Variants in KIDINS220 observed in about 807,000 individuals in gnomAD.
KIDINS220 encodes kinase D interacting substrate 220, also known as kinase D-interacting substrate of 220 kDa.
Under a neutral mutation model 157.6 loss-of-function variants are expected in KIDINS220, and 63 were observed. The ratio of observed to expected loss-of-function variants is 0.40; its 90% CI spans 0.33 to 0.49. The LOEUF (loss-of-function observed/expected upper bound fraction) is 0.49, where lower values mean the gene tolerates loss of function less well. Ranked by LOEUF, KIDINS220 falls within the 20% of genes least tolerant of loss-of-function variation. The pLI, the probability that KIDINS220 is intolerant of heterozygous loss-of-function variation, is 0.66. For missense variants in KIDINS220, 1,772 were observed against 2,171.2 expected (o/e 0.82, Z 3.65); for synonymous variants, 732 against 783.6 (o/e 0.93, Z 1.10).
Position 8,779,787 on chromosome 2 carries a change from C to T in KIDINS220, c.2257G>A (p.Ala753Thr), listed in dbSNP as rs1232553861. 6.2e-7 allele frequency: 1 copy of T among 1,614,092 alleles called. No individual in the cohort carries two copies. The highest frequency in any genetic ancestry group is 1.3e-5 in the African/African-American group (1 of 75,040). Reference sequence around the variant, plus strand: ...CTGTCAATGGTTTTTGCCATCCTGGCCATCAATTCCACTTCACATTTAAGA... The same window carrying T: ...CTGTCAATGGTTTTTGCCATCCTGGTCATCAATTCCACTTCACATTTAAGA... ...KVLKCEVELMARMAKTIDSFT... is the reference protein window; with the variant it reads ...KVLKCEVELMTRMAKTIDSFT... The change falls in exon 18 of 30, where the codon GCC (alanine) becomes ACC (threonine). Residue 753 changes from alanine (A) to threonine (T), a missense_variant. Around this residue, in one of 3 missense-constraint regions of KIDINS220, gnomAD observed 725 missense variants for 1,017.1 expected, o/e 0.71. Transcript: ENST00000256707.
intron 12 of KIDINS220, among the ~76,000 whole-genome samples, chr2:8,791,776 G>A (rs1176352292): frequency 6.6e-6 from 1 of 152,042 alleles, no homozygotes; most frequent in Non-Finnish European, 1.5e-5. Flanking sequence ...TATGATTCCA[G>A]GAAGAAAGGT....
At chr2:8,803,623 A>AT (rs1409422241) in intron 7 of KIDINS220, among the ~76,000 whole-genome samples, 2 of 152,230 alleles carry the variant, frequency 1.3e-5, no homozygotes, top group African/African-American at 4.8e-5. Flanking sequence ...AAAGTGTAAT[A>AT]TACTGTTTGG....
chr2:8,822,108 T>C (rs1018882469), intron 2 of KIDINS220, among the ~76,000 whole-genome samples: 3 of 152,188 alleles, frequency 2.0e-5, no homozygotes, highest in African/African-American at 7.2e-5. Flanking sequence ...TACTGGACTT[T>C]ATCTCAGCTT....
chr2:8,764,177 G>A (rs912189660), intron 22 of KIDINS220, among the ~76,000 whole-genome samples: 1 of 152,158 alleles, frequency 6.6e-6, no homozygotes, highest in African/African-American at 2.4e-5. Flanking sequence ...TTACTTATAA[G>A]TGGGAGCCAA....
At chr2:8,798,935 G>A (rs1320694438) in intron 9 of KIDINS220, among the ~76,000 whole-genome samples, 1 of 152,152 alleles carries the variant, frequency 6.6e-6, no homozygotes, top group Non-Finnish European at 1.5e-5. Context: ...AGGTGGCCTA[G>A]AACCCATCTT....
intron 22 of KIDINS220, among the ~76,000 whole-genome samples, chr2:8,760,199 G>C (rs558127131): frequency 1.8e-4 from 28 of 152,280 alleles, no homozygotes; most frequent in Non-Finnish European, 3.2e-4. Flanking sequence ...GTCATCCTGG[G>C]TTTTTCTTTT....
rs199983082 is a variant in KIDINS220 at position 8,800,418 on chromosome 2, A to G, written c.882T>C (p.Asp294=). The change falls in exon 9 of 30, where the codon GAT becomes GAC. Residue 294 remains aspartate, a synonymous_variant. Coordinates refer to ENST00000256707, the MANE Select transcript of KIDINS220 (RefSeq NM_020738.4). ...CACATACCTGTCCTCTAATGTCTAT[A>G]TCAGCATATTTTTGGAGAAGCGCTC... ...IVRALLQKYA[D]IDIRGQDNKT... 52 of 1,612,460 alleles carry G rather than the reference A, an allele frequency of 3.2e-5. No individual in the cohort carries two copies. In the Middle Eastern group the frequency reaches 9.9e-4, roughly 31 times the overall value.
chr2:8,808,270 C>T (rs1410814137), intron 6 of KIDINS220, among the ~76,000 whole-genome samples: 1 of 152,224 alleles, frequency 6.6e-6, no homozygotes, highest in East Asian at 1.9e-4. Flanking sequence ...CCTTTCCTAA[C>T]TTTACAATAT....
chr2:8,731,731 C>A lies in KIDINS220; in HGVS notation c.4305G>T (p.Lys1435Asn), dbSNP rs776518265. The part of the protein sequence containing the change: ...GSIHSNLEQE[K>N]GKDSEPKPDD... ...CGGGCTTTGGTTCACTATCCTTCCC[C>A]TTTTCTTGCTCTAGGTTTGAATGAA... Residue 1435 changes from lysine (K) to asparagine (N), a missense_variant, in exon 30 of 30, where the codon AAG becomes AAT. By Grantham distance (94) the Lys-to-Asn change is moderately conservative. Transcript: ENST00000256707. This position sits in a 1 kb window ranked among gnomAD's most constrained non-coding sequence, Gnocchi z 5.2. The A allele has an allele frequency of 2.7e-5, 43 of 1,614,064 alleles. No homozygotes were observed. In the Admixed American group the frequency reaches 7.2e-4, roughly 27 times the overall value.
chr2:8,829,007 C>G (rs1283336733), intron 1 of KIDINS220, among the ~76,000 whole-genome samples: 2 of 152,104 alleles, frequency 1.3e-5, no homozygotes, highest in Non-Finnish European at 2.9e-5. Flanking sequence ...TTTGGGGAGG[C>G]CTTGCGATGG....
rs1035925763 is a variant in KIDINS220 at position 8,736,863 on chromosome 2, C to A, written c.3717+5G>T. 3.7e-6 allele frequency: 6 copies of A among 1,613,884 alleles called. No individual in the cohort carries two copies. Among genetic ancestry groups the A allele is most frequent in the African/African-American group, 2.7e-5 (2 of 74,932 alleles). On this transcript the variant is annotated splice_donor_5th_base_variant and intron_variant, in intron 27 of 29. Transcript: ENST00000256707. The stretch of plus-strand genomic sequence containing the variant: ...CTCTGGTCCGTGTGTAAGTGGCTGC[C>A]TCACCTTTTTGATCGTGGTACAATA...
intron 7 of KIDINS220, among the ~76,000 whole-genome samples, chr2:8,803,819 A>G (rs993899805): frequency 6.6e-6 from 1 of 152,138 alleles, no homozygotes; most frequent in Admixed American, 6.6e-5. Context: ...AGACCAGCCT[A>G]GGCAACATAT....
At chr2:8,831,249 C>T (rs188109007) in intron 1 of KIDINS220, among the ~76,000 whole-genome samples, 4 of 152,168 alleles carry the variant, frequency 2.6e-5, no homozygotes, top group Admixed American at 2.6e-4. Flanking sequence ...ATGATGAGGG[C>T]ATGCAGATTC....
rs1321327195 is a variant in KIDINS220 at position 8,813,219 on chromosome 2, T to A, written c.405+18A>T. 6.3e-7 allele frequency: 1 copy of A among 1,581,164 alleles called. No homozygotes were observed. The highest frequency in any genetic ancestry group is 8.6e-7 in the Non-Finnish European group (1 of 1,161,010). Reference sequence around the variant, plus strand: ...CTTACCACTTATAATACAAACAAATTTTTTTGTTAATGCTTACCAGACCAG... The same window carrying A: ...CTTACCACTTATAATACAAACAAATATTTTTGTTAATGCTTACCAGACCAG... On this transcript the variant is annotated intron_variant, in intron 5 of 29. Transcript: ENST00000256707.
chr2:8,744,726 T>A (rs1383366859), intron 26 of KIDINS220, among the ~76,000 whole-genome samples: 1 of 151,892 alleles, frequency 6.6e-6, no homozygotes, highest in East Asian at 1.9e-4. Context: ...TCTGGCAATG[T>A]TCCCATGTTC....
chr2:8,761,538 A>T (rs909312633), intron 22 of KIDINS220, among the ~76,000 whole-genome samples: 2 of 152,160 alleles, frequency 1.3e-5, no homozygotes, highest in Non-Finnish European at 2.9e-5. Flanking sequence ...ACACTTAAAA[A>T]CTATGTCATA....
At chr2:8,759,521 G>C (rs1277047325) in intron 22 of KIDINS220, among the ~76,000 whole-genome samples, 1 of 150,156 alleles carries the variant, frequency 6.7e-6, no homozygotes. Context: ...AAACTCAGTA[G>C]AATGTCATCA....
At chr2:8,792,636 T>G (rs1306614747) in intron 12 of KIDINS220, among the ~76,000 whole-genome samples, 1 of 152,196 alleles carries the variant, frequency 6.6e-6, no homozygotes, top group Admixed American at 6.5e-5. Context: ...AAATACCCAG[T>G]GCTAGCAAGC....
downstream of KIDINS220, chr2:8,727,171 T>C: frequency 8.6e-7 from 1 of 1,160,730 alleles, no homozygotes; most frequent in Non-Finnish European, 1.1e-6. Context: ...CAAAACGCGA[T>C]AGTCTCAGAG....
Sources: gnomAD v4.1 joint callset for allele counts (sites outside exome capture counted in the v4.1 genomes callset) on GRCh38, gnomAD v4.1.1 for gene constraint, gnomAD v4.1.1 regional missense constraint, Gnocchi (gnomAD v3.1) non-coding constraint, MANE v1.5 for transcripts, NCBI Gene and HGNC (gene_info 2026-07-23, HGNC 2026-07-21) for gene names.